Variants in EIF4G3 observed in about 807,000 individuals in gnomAD.
EIF4G3 encodes the protein eIF-4-gamma 3.
In EIF4G3, 34 loss-of-function variants were observed where a neutral mutation model predicts 186.4. That is an observed-to-expected ratio of 0.18 (90% CI 0.14 to 0.24). The LOEUF is 0.24. Ranked by LOEUF, EIF4G3 falls within the 10% of genes least tolerant of loss-of-function variation. The pLI, the probability that EIF4G3 is intolerant of heterozygous loss-of-function variation, is 1.00. For synonymous variants in EIF4G3, 673 were observed against 679.5 expected (o/e 0.99, Z 0.15); for missense variants, 1,536 against 1,948.5 (o/e 0.79, Z 3.99).
In EIF4G3 at chr1:20,899,867, G is replaced by C; in HGVS notation, c.1829C>G (p.Pro610Arg). ...EQDKMSQGFH[P>R]ERDPSDLKKV... ...TTTTAGGTCAGAGGGGTCTCTTTCAGGATGAAACCCCTGGCTCATTTTATC... is the reference window on the plus strand; with the variant it reads ...TTTTAGGTCAGAGGGGTCTCTTTCACGATGAAACCCCTGGCTCATTTTATC... Residue 610 changes from proline to arginine, a missense_variant, in exon 16 of 37, where the codon CCT becomes CGT. Pro to Arg is a moderately radical substitution (Grantham distance 103). Around this residue, in one of 11 missense-constraint regions of EIF4G3, gnomAD observed 560 missense variants for 547.8 expected, o/e 1.02. Coordinates refer to ENST00000602326, the MANE Select transcript of EIF4G3 (RefSeq NM_001391906.1). 6.2e-7 allele frequency: 1 copy of C among 1,614,028 alleles called. No homozygotes were observed. The highest frequency in any genetic ancestry group is 8.5e-7 in the Non-Finnish European group (1 of 1,180,002).
chr1:20,912,260 G>A (rs1442409409), intron 14 of EIF4G3, among the ~76,000 whole-genome samples: 1 of 152,238 alleles, frequency 6.6e-6, no homozygotes, highest in Non-Finnish European at 1.5e-5. Flanking sequence ...CTGGGTGAAA[G>A]AGTGAGACTT....
intron 4 of EIF4G3, among the ~76,000 whole-genome samples, chr1:21,047,957 T>C (rs979467167): frequency 2.0e-5 from 3 of 152,176 alleles, no homozygotes; most frequent in Non-Finnish European, 4.4e-5. Context: ...AAAAAGGGCA[T>C]TGAACCAGGT....
chr1:21,158,363 G>A (rs6678333), intron 2 of EIF4G3, among the ~76,000 whole-genome samples: 146,588 of 151,434 alleles, frequency 0.97, 71,127 homozygotes, highest in East Asian at 1. Context: ...TTTGGTAGAG[G>A]CGAGGTTTTG....
chr1:20,811,159 G>A (rs1570808351), intron 35 of EIF4G3, among the ~76,000 whole-genome samples: 1 of 152,068 alleles, frequency 6.6e-6, no homozygotes, highest in African/African-American at 2.4e-5. Context: ...TCACCATGTT[G>A]GTCAGACTTG....
intron 29 of EIF4G3, among the ~76,000 whole-genome samples, chr1:20,843,893 G>T (rs988970243): frequency 1.3e-5 from 2 of 152,116 alleles, no homozygotes; most frequent in Admixed American, 6.5e-5. Context: ...ACTTATAAGT[G>T]AGAACATGAA....
chr1:21,083,564 T>C (rs1426322718), intron 3 of EIF4G3, among the ~76,000 whole-genome samples: 1 of 151,754 alleles, frequency 6.6e-6, no homozygotes, highest in Non-Finnish European at 1.5e-5. Flanking sequence ...GCTCAAGTGA[T>C]CCACCCACCT....
At chr1:21,053,384 C>G (rs575462477) in intron 3 of EIF4G3, among the ~76,000 whole-genome samples, 1 of 149,618 alleles carries the variant, frequency 6.7e-6, no homozygotes, top group African/African-American at 2.4e-5. Flanking sequence ...GTCAGCCCCC[C>G]GCCCGGACAG....
intron 4 of EIF4G3, among the ~76,000 whole-genome samples, chr1:21,038,764 T>C (rs376828420): frequency 7.4e-5 from 11 of 149,210 alleles, no homozygotes; most frequent in African/African-American, 2.2e-4. Flanking sequence ...GGAGTGTCTA[T>C]AAAAGTTATG....
At chr1:20,978,098 T>C (rs1011662660) in intron 10 of EIF4G3, among the ~76,000 whole-genome samples, 3 of 152,188 alleles carry the variant, frequency 2.0e-5, no homozygotes, top group African/African-American at 7.2e-5. Context: ...CATTGTTTTC[T>C]ATTTAAAAAA....
chr1:20,901,461 T>C (rs949866980), intron 15 of EIF4G3, among the ~76,000 whole-genome samples: 1 of 152,188 alleles, frequency 6.6e-6, no homozygotes, highest in Admixed American at 6.5e-5. Flanking sequence ...TATACAATTA[T>C]ACAGAATTCT....
At chr1:21,175,682 T>C (rs943738606) in intron 2 of EIF4G3, 1 of 152,230 alleles carries the variant, frequency 6.6e-6, no homozygotes, top group African/African-American at 2.4e-5. Context: ...AACGAGCTGA[T>C]TGGTTTCAAA....
At chr1:21,107,058 CAA>C (rs2096630336) in intron 2 of EIF4G3, among the ~76,000 whole-genome samples, 1 of 152,134 alleles carries the variant, frequency 6.6e-6, no homozygotes, top group Non-Finnish European at 1.5e-5. Flanking sequence ...TGGGAAAATG[CAA>C]ACTCTCTCCT....
At chr1:21,094,583 G>A (rs1383500899) in intron 2 of EIF4G3, among the ~76,000 whole-genome samples, 3 of 140,254 alleles carry the variant, frequency 2.1e-5, no homozygotes, top group South Asian at 2.5e-4. Context: ...AGAACACTTC[G>A]ACACAGGAAA....
Position 20,947,485 on chromosome 1 carries a change from C to T in EIF4G3, c.823+2518G>A, listed in dbSNP as rs1434793539. Among the ~76,000 whole-genome samples the T allele has an allele frequency of 2.7e-5, 4 of 148,746 alleles. No individual in the cohort carries two copies. The East Asian group carries it at 5.9e-4, about 22-fold the overall frequency. ...CTGAAAACAGTAATATTTTAGCTAT[C>T]GGCAGGCTATGGAAGAAATTAGAAA... On this transcript the variant is annotated intron_variant, in intron 13 of 36. Coordinates refer to ENST00000602326, the MANE Select transcript of EIF4G3 (RefSeq NM_001391906.1).
At chr1:21,162,137 A>G (rs978892787) in intron 2 of EIF4G3, 2 of 154,408 alleles carry the variant, frequency 1.3e-5, no homozygotes, top group East Asian at 1.8e-4. Flanking sequence ...CCGTTCCACT[A>G]AAGTTCTGAA....
chr1:20,981,367 C>A, intron 8 of EIF4G3, 140 bp from the exon 9 acceptor site: 2 of 646,052 alleles, frequency 3.1e-6, no homozygotes, highest in Non-Finnish European at 5.0e-6. Flanking sequence ...GAATAAATTA[C>A]CTATTGCTGG....
intron 14 of EIF4G3, among the ~76,000 whole-genome samples, chr1:20,925,604 C>A (rs1273061777): frequency 6.6e-6 from 1 of 152,178 alleles, no homozygotes; most frequent in African/African-American, 2.4e-5. Context: ...CACCATCATA[C>A]CTCACTGCAG....
At chr1:20,830,524 G>C (rs1220091064) in intron 30 of EIF4G3, among the ~76,000 whole-genome samples, 1 of 152,138 alleles carries the variant, frequency 6.6e-6, no homozygotes, top group Non-Finnish European at 1.5e-5. Flanking sequence ...ATATAATCTA[G>C]CTGGACTCCA....
At chr1:21,162,280 G>A (rs530186675) in intron 2 of EIF4G3, among the ~76,000 whole-genome samples, 52 of 151,980 alleles carry the variant, frequency 3.4e-4, no homozygotes, top group South Asian at 2.1e-4. Flanking sequence ...GAGAAACCCC[G>A]TCTCTACTAA....
Sources: allele counts gnomAD v4.1 joint callset (sites outside exome capture counted in the v4.1 genomes callset), GRCh38; gene constraint gnomAD v4.1.1; regional missense constraint gnomAD v4.1.1; transcripts MANE v1.5; gene names NCBI Gene and HGNC (gene_info 2026-07-23, HGNC 2026-07-21).